The following GRIK4 variants were observed in gnomAD, a reference collection of about 807,000 sequenced individuals.
The protein encoded by GRIK4 is glutamate ionotropic receptor kainate type subunit 4.
Under a neutral mutation model 104.9 loss-of-function variants are expected in GRIK4, and 40 were observed. The ratio of observed to expected loss-of-function variants is 0.38; its 90% CI spans 0.30 to 0.50. The LOEUF (loss-of-function observed/expected upper bound fraction) is 0.50. GRIK4 is among the 20% of genes least tolerant of loss of function. GRIK4 has a pLI of 0.93. For missense variants in GRIK4, 1,047 were observed against 1,308.1 expected, an observed-to-expected ratio of 0.80 and a Z score of 3.08; for synonymous variants, 485 against 524.9, an observed-to-expected ratio of 0.92 and a Z score of 1.04.
intron 3 of GRIK4, among the ~76,000 whole-genome samples, chr11:120,717,817 G>A (rs1390217727): frequency 6.6e-6 from 1 of 152,106 alleles, no homozygotes; most frequent in Non-Finnish European, 1.5e-5. Context: ...GGGCTTTGTG[G>A]GCAGGAATGT....
In GRIK4 at chr11:120,555,440, GC is replaced by G. The variant is rs1481581443; in HGVS notation, c.-159+43554del. On this transcript the variant is annotated intron_variant, in intron 1 of 20. Transcript: ENST00000527524. This position sits in a 1 kb window ranked among gnomAD's most constrained non-coding sequence, Gnocchi z 5.3. Reference sequence around the variant, plus strand: ...GATTTGCATAGAGCTTGCTAAAAAAGCTTTCTACCGGGCTGCTTATGTACTC... The same window carrying G: ...GATTTGCATAGAGCTTGCTAAAAAAGTTTCTACCGGGCTGCTTATGTACTC... Among the ~76,000 whole-genome samples the G allele has an allele frequency of 6.6e-6, 1 of 152,198 alleles. No individual in the cohort carries two copies. The highest frequency in any genetic ancestry group is 1.5e-5 in the Non-Finnish European group (1 of 68,046).
chr11:120,837,637 TC>T (rs1422104509), intron 8 of GRIK4, among the ~76,000 whole-genome samples: 1 of 150,276 alleles, frequency 6.7e-6, no homozygotes, highest in Non-Finnish European at 1.5e-5. Flanking sequence ...CACCCCAGAA[TC>T]CCCCTCATGC....
intron 6 of GRIK4, among the ~76,000 whole-genome samples, chr11:120,829,287 CAGGT>C (rs1239192937): frequency 1.3e-5 from 2 of 152,110 alleles, no homozygotes; most frequent in Non-Finnish European, 2.9e-5. Context: ...GACCTTTGTC[CAGGT>C]AGGAGTTAGC....
chr11:120,670,602 G>A (rs940274941), intron 3 of GRIK4, among the ~76,000 whole-genome samples: 9 of 152,234 alleles, frequency 5.9e-5, no homozygotes, highest in African/African-American at 1.7e-4. Flanking sequence ...GGATATCTGT[G>A]TGGTTCACTT....
rs762290568 is a variant in GRIK4, at chr11:120,962,500, T to C, written c.2085T>C (p.Tyr695=). 7 of 1,614,016 alleles carry C rather than the reference T, an allele frequency of 4.3e-6. No individual in the cohort carries two copies. The African/African-American group carries it at 9.3e-5, about 22-fold the overall frequency. Residue 695 remains tyrosine, a synonymous_variant, in exon 18 of 21, where the codon TAT becomes TAC. Transcript: ENST00000527524. ...ACCAACGCATGTGGAATTACATGTATTCCAAGCAGCCCAGCGTGTTCGTGA... is the reference window on the plus strand; with the variant it reads ...ACCAACGCATGTGGAATTACATGTACTCCAAGCAGCCCAGCGTGTTCGTGA... The part of the protein sequence containing the change: ...QTYQRMWNYM[Y]SKQPSVFVKS...
Position 120,831,314 on chromosome 11 carries a change from T to C in GRIK4, c.512-538T>C, listed in dbSNP as rs542227518. 2.6e-5 allele frequency among the ~76,000 whole-genome samples: 4 copies of C among 152,368 alleles called. No homozygotes were observed. In the South Asian group the frequency reaches 6.2e-4, roughly 24 times the overall value. On this transcript the variant is annotated intron_variant, in intron 6 of 20. Transcript: ENST00000527524. The stretch of plus-strand genomic sequence containing the variant: ...GCCCAGTGTAACATTTGTGAGGGTT[T>C]AATGTGTCCGAGGCTCGGGCCTGAG...
In GRIK4 at chr11:120,513,773, G is replaced by A. The variant is rs551615236; in HGVS notation, c.-159+1886G>A. Reference sequence around the variant, plus strand: ...AGGCAGCACTGGTCCCTCCGGGTGGGGAAGAGGTGGATGCTCGGGAGGGGA... The same window carrying A: ...AGGCAGCACTGGTCCCTCCGGGTGGAGAAGAGGTGGATGCTCGGGAGGGGA... On this transcript the variant is annotated intron_variant, in intron 1 of 20. Transcript: ENST00000527524. The surrounding 1 kb of genome is among the most constrained non-coding windows in gnomAD (Gnocchi z 4.5). Among the ~76,000 whole-genome samples the A allele has an allele frequency of 6.6e-6, 1 of 152,196 alleles. No individual in the cohort carries two copies. The highest frequency in any genetic ancestry group is 1.5e-5 in the Non-Finnish European group (1 of 68,040).
chr11:120,806,343 G>T (rs1278128576), intron 4 of GRIK4, among the ~76,000 whole-genome samples: 1 of 152,088 alleles, frequency 6.6e-6, no homozygotes, highest in African/African-American at 2.4e-5. Flanking sequence ...CAGTTTTCTG[G>T]GCTTGATGCA....
chr11:120,907,603 C>T (rs12574031), intron 13 of GRIK4, among the ~76,000 whole-genome samples: 4,701 of 152,184 alleles, frequency 0.031, 146 homozygotes, highest in East Asian at 0.071. Flanking sequence ...AAAATAAACA[C>T]GGACACAGCC....
chr11:120,676,137 T>A (rs1424315033), intron 3 of GRIK4, among the ~76,000 whole-genome samples: 2 of 152,202 alleles, frequency 1.3e-5, no homozygotes, highest in Admixed American at 1.3e-4. Flanking sequence ...TAGAGGCCGC[T>A]GCATCCCCTG....
At chr11:120,821,354 T>G (rs1329479164) in intron 6 of GRIK4, among the ~76,000 whole-genome samples, 1 of 151,880 alleles carries the variant, frequency 6.6e-6, no homozygotes, top group Non-Finnish European at 1.5e-5. Context: ...TCATGCCAGA[T>G]GAGGAGCAAG....
At chr11:120,873,796 G>A (rs964468325) in intron 9 of GRIK4, 12 of 345,152 alleles carry the variant, frequency 3.5e-5, no homozygotes, top group Admixed American at 9.3e-5. Flanking sequence ...TACACTTGAA[G>A]TCATGTGGGG....
chr11:120,712,911 C>G (rs1364767269), intron 3 of GRIK4, among the ~76,000 whole-genome samples: 2 of 152,232 alleles, frequency 1.3e-5, no homozygotes, highest in African/African-American at 2.4e-5. Context: ...ACCCGTGTCA[C>G]TAGCCTGGAT....
intron 1 of GRIK4, among the ~76,000 whole-genome samples, chr11:120,569,215 G>A (rs902231298): frequency 2.6e-5 from 4 of 152,194 alleles, no homozygotes; most frequent in African/African-American, 9.6e-5. Context: ...GGCACGCCCC[G>A]CCCCATGGTT....
At chr11:120,530,657 C>T (rs922712842) in intron 1 of GRIK4, among the ~76,000 whole-genome samples, 5 of 152,152 alleles carry the variant, frequency 3.3e-5, no homozygotes, top group Admixed American at 6.5e-5. Flanking sequence ...TCGACAACCG[C>T]GTTACAGGGC....
intron 1 of GRIK4, among the ~76,000 whole-genome samples, chr11:120,532,317 G>C (rs750540571): frequency 6.6e-6 from 1 of 152,174 alleles, no homozygotes; most frequent in Admixed American, 6.5e-5. Context: ...CCTTTGATCC[G>C]GCTGCCCTTG....
chr11:120,655,744 G>T (rs1949697515), intron 2 of GRIK4, among the ~76,000 whole-genome samples: 1 of 152,182 alleles, frequency 6.6e-6, no homozygotes. Context: ...ATGTGGGGGT[G>T]TGGGAACAGA....
chr11:120,557,143 C>T (rs1948195634), intron 1 of GRIK4, among the ~76,000 whole-genome samples: 1 of 152,182 alleles, frequency 6.6e-6, no homozygotes, highest in African/African-American at 2.4e-5. Flanking sequence ...CATTCAGGGA[C>T]CCAGGGCTGA....
chr11:120,534,016 G>C (rs1028840196), intron 1 of GRIK4, among the ~76,000 whole-genome samples: 24 of 152,240 alleles, frequency 1.6e-4, no homozygotes, highest in Non-Finnish European at 3.5e-4. Flanking sequence ...TGTGGAGGAT[G>C]GTGGCCCTGA....
Sources: gnomAD v4.1 joint callset for allele counts (sites outside exome capture counted in the v4.1 genomes callset) on GRCh38, gnomAD v4.1.1 for gene constraint, Gnocchi (gnomAD v3.1) non-coding constraint, MANE v1.5 for transcripts, NCBI Gene and HGNC (gene_info 2026-07-23, HGNC 2026-07-21) for gene names.